DCN: variants seen among roughly 807,000 people sequenced by gnomAD.
DCN encodes the protein bone proteoglycan II.
Under a neutral mutation model 36.5 loss-of-function variants are expected in DCN, and 17 were observed. The observed-to-expected ratio is 0.47, with a 90% confidence interval of 0.32 to 0.70. The LOEUF is 0.70. Ranked by LOEUF, DCN falls within the 30% of genes least tolerant of loss-of-function variation. The pLI is 0.04. For missense variants in DCN, 389 were observed against 430.1 expected (o/e 0.90, Z 0.84); for synonymous variants, 163 against 161.4 (o/e 1.01, Z -0.07).
At chr12:91,157,329 G>A (rs1490568487) in intron 4 of DCN, 141 bp from the exon 5 acceptor site, 2 of 690,904 alleles carry the variant, frequency 2.9e-6, no homozygotes, top group African/African-American at 3.6e-5. Flanking sequence ...AAGTTAAAGA[G>A]CATGCTCCTC....
At chr12:91,174,071 T>C (rs1467690784) in intron 2 of DCN, among the ~76,000 whole-genome samples, 1 of 152,202 alleles carries the variant, frequency 6.6e-6, no homozygotes, top group Non-Finnish European at 1.5e-5. Flanking sequence ...TCTGGCACCA[T>C]TTCTAGAGGG....
intron 2 of DCN, among the ~76,000 whole-genome samples, chr12:91,177,957 A>AT (rs1220119011): frequency 6.6e-6 from 1 of 152,192 alleles, no homozygotes; most frequent in Non-Finnish European, 1.5e-5. Context: ...GATTTTCTTA[A>AT]TATCTAATAT....
chr12:91,171,690 A>G (rs1882966552), intron 2 of DCN, among the ~76,000 whole-genome samples: 1 of 152,254 alleles, frequency 6.6e-6, no homozygotes, highest in Non-Finnish European at 1.5e-5. Flanking sequence ...CGACAGCAGC[A>G]GCAACTGTCA....
intron 2 of DCN, chr12:91,175,607 A>G (rs1218139804): frequency 6.6e-6 from 1 of 152,150 alleles, no homozygotes; most frequent in Non-Finnish European, 1.5e-5. Flanking sequence ...TTCGATAATA[A>G]GATGACAAAG....
chr12:91,142,646 A>G lies in DCN; in HGVS notation c.*3412T>C, dbSNP rs1880788646. The stretch of plus-strand genomic sequence containing the variant: ...AAAAATGCTTTAAAAGATCATGAAT[A>G]CTGTGTTCTGGAAAATCTGTGTCAC... On this transcript the variant is annotated 3_prime_UTR_variant, in exon 8 of 8. Transcript: ENST00000052754. 1 of 152,190 alleles carries G rather than the reference A, an allele frequency of 6.6e-6. No homozygotes were observed. Among genetic ancestry groups the G allele is most frequent in the Non-Finnish European group, 1.5e-5 (1 of 68,036 alleles). The allele number at this position is 152,190 out of a possible 1,614,324, so 9.4% of individuals were successfully genotyped here. A position where few individuals can be genotyped will look rare whatever the true frequency, so the allele number is the denominator to read the frequency against.
rs188605307 is a variant in DCN at position 91,141,287 on chromosome 12, G to A, written c.*4771C>T. 3.2e-3 allele frequency: 485 copies of A among 152,252 alleles called. No homozygotes were observed. Among genetic ancestry groups the A allele is most frequent in the Non-Finnish European group, 5.1e-3 (346 of 68,046 alleles). 9.4% of individuals were successfully genotyped at this position (152,252 alleles called of 1,614,324 possible). A position where few individuals can be genotyped will look rare whatever the true frequency, so the allele number is the denominator to read the frequency against. ...TATCTCTTCTTGCTCACTTTACTCT[G>A]CTCACGTTTGTCCTCTCTGCTCTTG... On this transcript the variant is annotated 3_prime_UTR_variant, in exon 8 of 8. Coordinates refer to ENST00000052754, the MANE Select transcript of DCN (RefSeq NM_001920.5).
chr12:91,178,318 A>G, intron 2 of DCN, 24 bp downstream of exon 2: 1 of 1,594,160 alleles, frequency 6.3e-7, no homozygotes, highest in Non-Finnish European at 8.6e-7. Context: ...TAAGGTAGGT[A>G]AAGAGAAACT....
At chr12:91,153,665 G>C (rs1282019677) in intron 5 of DCN, among the ~76,000 whole-genome samples, 1 of 152,092 alleles carries the variant, frequency 6.6e-6, no homozygotes, top group Non-Finnish European at 1.5e-5. Flanking sequence ...CTGATATACT[G>C]TGCTGGTCTT....
At position 91,151,800 on chromosome 12, in the gene DCN, A is replaced by G; in HGVS notation, c.747-8T>C. On this transcript the variant is annotated splice_region_variant and splice_polypyrimidine_tract_variant and intron_variant, in intron 6 of 7. Transcript: ENST00000052754. Reference sequence around the variant, plus strand: ...TTGAAACTCAATCCCAACCTGCAACAGAAAGCAGAAATGAAAGCAAACACC... The same window carrying G: ...TTGAAACTCAATCCCAACCTGCAACGGAAAGCAGAAATGAAAGCAAACACC... 6.2e-7 allele frequency: 1 copy of G among 1,613,916 alleles called. No homozygotes were observed.
intron 2 of DCN, among the ~76,000 whole-genome samples, chr12:91,169,459 A>T (rs1462793522): frequency 6.6e-6 from 1 of 151,400 alleles, no homozygotes; most frequent in Admixed American, 6.6e-5. Context: ...CTGGATCCTG[A>T]CTCATATAAA....
At chr12:91,172,880 AAAT>A (rs1382549951) in intron 2 of DCN, 14 of 621,490 alleles carry the variant, frequency 2.3e-5, no homozygotes, top group African/African-American at 1.3e-4. Flanking sequence ...TAGTGAAAAA[AAAT>A]AAAATAGATA....
chr12:91,158,846 C>T (rs373839823), intron 3 of DCN, among the ~76,000 whole-genome samples: 14 of 151,816 alleles, frequency 9.2e-5, no homozygotes, highest in Admixed American at 3.9e-4. Context: ...CCGGTAGTCC[C>T]GGCTACTTGG....
rs1880744303 is a variant in DCN, at chr12:91,141,189, C to T, written c.*4869G>A. ...CTCTCTGTCTTACTCAGAGTAAAAG[C>T]TCATCTTTACAATGGCCTAAAAAGT... On this transcript the variant is annotated 3_prime_UTR_variant, in exon 8 of 8. Transcript: ENST00000052754. 1 of 152,124 alleles carries T rather than the reference C, an allele frequency of 6.6e-6. No homozygotes were observed. The highest frequency in any genetic ancestry group is 2.1e-4 in the South Asian group (1 of 4,818). The allele number at this position is 152,124 out of a possible 1,614,324, so 9.4% of individuals were successfully genotyped here. A position where few individuals can be genotyped will look rare whatever the true frequency, so the allele number is the denominator to read the frequency against.
chr12:91,168,930 A>C (rs1301269408), intron 2 of DCN, among the ~76,000 whole-genome samples: 2 of 152,228 alleles, frequency 1.3e-5, no homozygotes, highest in African/African-American at 4.8e-5. Flanking sequence ...GTTTCTCTAC[A>C]TGGCATATAT....
chr12:91,171,815 C>T (rs973984740), intron 2 of DCN, among the ~76,000 whole-genome samples: 1 of 152,166 alleles, frequency 6.6e-6, no homozygotes, highest in African/African-American at 2.4e-5. Context: ...CCCTTCAGAG[C>T]CCTTCCCAAA....
In DCN at chr12:91,158,393, T is replaced by G. The variant is rs199897276; in HGVS notation, c.441A>C (p.Lys147Asn). 58 of 1,613,324 alleles carry G rather than the reference T, an allele frequency of 3.6e-5. No homozygotes were observed. Among genetic ancestry groups the G allele is most frequent in the Non-Finnish European group, 4.7e-5 (55 of 1,179,354 alleles). The change falls in exon 4 of 8, where the codon AAA becomes AAC. Residue 147 changes from lysine (K) to asparagine (N), a missense_variant. Transcript: ENST00000052754. The part of the protein sequence containing the change: ...SKNQLKELPE[K>N]MPKTLQELRA... ...GCAGCTCCTGAAGAGTTTTGGGCAT[T>G]TTTTCTGGCAATTCCTTCAGCTGAT...
intron 3 of DCN, among the ~76,000 whole-genome samples, chr12:91,162,963 A>T (rs976656819): frequency 3.2e-4 from 49 of 152,166 alleles, no homozygotes; most frequent in African/African-American, 1.2e-3. Context: ...CCTTCTCTAG[A>T]TGTTCTTGAA....
At chr12:91,163,691 G>C (rs993177960) in intron 3 of DCN, among the ~76,000 whole-genome samples, 2 of 152,050 alleles carry the variant, frequency 1.3e-5, no homozygotes, top group Non-Finnish European at 2.9e-5. Context: ...TACAGATAAG[G>C]ACACAGCATG....
intron 2 of DCN, among the ~76,000 whole-genome samples, chr12:91,174,214 A>C (rs1281263922): frequency 6.6e-6 from 1 of 152,068 alleles, no homozygotes; most frequent in African/African-American, 2.4e-5. Context: ...GTAAATGCAC[A>C]ATTTTTTTTG....
Sources: allele counts gnomAD v4.1 joint callset (sites outside exome capture counted in the v4.1 genomes callset), GRCh38; gene constraint gnomAD v4.1.1; transcripts MANE v1.5; gene names NCBI Gene and HGNC (gene_info 2026-07-23, HGNC 2026-07-21).